Variants in KLHL1 observed in about 807,000 individuals in gnomAD.
KLHL1 encodes kelch-like protein 1.
A neutral mutation model predicts 77.7 loss-of-function variants in KLHL1; 47 were observed. The ratio of observed to expected loss-of-function variants is 0.60; its 90% CI spans 0.48 to 0.77. The LOEUF (loss-of-function observed/expected upper bound fraction) is 0.77, where lower values mean the gene tolerates loss of function less well. Ranked by LOEUF, KLHL1 falls within the 30% of genes least tolerant of loss-of-function variation. The pLI, the probability that KLHL1 is intolerant of heterozygous loss-of-function variation, is 0.00. For missense variants in KLHL1, 925 were observed against 910.8 expected, an observed-to-expected ratio of 1.02 and a Z score of -0.20; for synonymous variants, 360 against 325.2, an observed-to-expected ratio of 1.11 and a Z score of -1.15.
chr13:69,755,546 T>C (rs1874684703), intron 7 of KLHL1, among the ~76,000 whole-genome samples: 1 of 152,178 alleles, frequency 6.6e-6, no homozygotes, highest in African/African-American at 2.4e-5. Flanking sequence ...TTCTACTTTA[T>C]ATTTGTTATA....
intron 8 of KLHL1, among the ~76,000 whole-genome samples, chr13:69,738,774 GA>G (rs1223769400): frequency 6.6e-6 from 1 of 152,126 alleles, no homozygotes; most frequent in Non-Finnish European, 1.5e-5. Flanking sequence ...ACCTACATCT[GA>G]TAGGGGTACC....
chr13:69,729,219 C>T (rs1873434405), intron 8 of KLHL1, among the ~76,000 whole-genome samples: 1 of 152,082 alleles, frequency 6.6e-6, no homozygotes, highest in South Asian at 2.1e-4. Context: ...TCTGGCTGTG[C>T]TGGCATATAT....
chr13:69,827,158 A>C (rs1450671636), intron 6 of KLHL1, among the ~76,000 whole-genome samples: 1 of 151,590 alleles, frequency 6.6e-6, no homozygotes, highest in Non-Finnish European at 1.5e-5. Context: ...AAATAAGGTA[A>C]AATTATAATA....
chr13:70,074,765 T>C (rs1190391399), intron 1 of KLHL1, among the ~76,000 whole-genome samples: 1 of 151,046 alleles, frequency 6.6e-6, no homozygotes, highest in Non-Finnish European at 1.5e-5. Context: ...AATTATGCTG[T>C]TGATCATAGC....
At chr13:69,727,958 G>A (rs986649035) in intron 8 of KLHL1, among the ~76,000 whole-genome samples, 2 of 151,426 alleles carry the variant, frequency 1.3e-5, no homozygotes, top group Non-Finnish European at 2.9e-5. Context: ...TATATTCAAG[G>A]ACTTGATACA....
At chr13:69,918,639 T>C (rs1882525022) in intron 4 of KLHL1, among the ~76,000 whole-genome samples, 1 of 152,040 alleles carries the variant, frequency 6.6e-6, no homozygotes, top group Non-Finnish European at 1.5e-5. Context: ...ACAAACCTAA[T>C]ATAATTACAG....
intron 6 of KLHL1, among the ~76,000 whole-genome samples, chr13:69,818,217 A>ATTTTTTTTTTTTTTTTT (rs1878195724): frequency 2.4e-5 from 3 of 124,428 alleles, no homozygotes; most frequent in African/African-American, 1.2e-4. Flanking sequence ...ACTCATAGGC[A>ATTTTTTTTTTTTTTTTT]TCTTTTTTTT....
At chr13:69,795,033 T>C (rs1162912519) in intron 7 of KLHL1, among the ~76,000 whole-genome samples, 1 of 152,204 alleles carries the variant, frequency 6.6e-6, no homozygotes, top group African/African-American at 2.4e-5. Flanking sequence ...TTGAGTACGA[T>C]ACATAATGCC....
At chr13:69,845,996 T>C (rs1286282728) in intron 5 of KLHL1, among the ~76,000 whole-genome samples, 1 of 151,514 alleles carries the variant, frequency 6.6e-6, no homozygotes, top group Non-Finnish European at 1.5e-5. Flanking sequence ...AATGTCTCTT[T>C]GCAAGAAAAA....
At chr13:70,022,044 A>T (rs868212555) in intron 1 of KLHL1, among the ~76,000 whole-genome samples, 8 of 152,100 alleles carry the variant, frequency 5.3e-5, no homozygotes, top group African/African-American at 1.7e-4. Context: ...TTATAGATAC[A>T]GACATTGCCA....
At chr13:69,956,167 ATATT>A (rs1566443395) in intron 3 of KLHL1, among the ~76,000 whole-genome samples, 1 of 140,690 alleles carries the variant, frequency 7.1e-6, no homozygotes, top group Non-Finnish European at 1.5e-5. Context: ...TTTGATATAT[ATATT>A]TATTATATAT....
At chr13:69,772,475 C>T (rs1312446965) in intron 7 of KLHL1, among the ~76,000 whole-genome samples, 1 of 151,914 alleles carries the variant, frequency 6.6e-6, no homozygotes, top group African/African-American at 2.4e-5. Flanking sequence ...TACAGTCACA[C>T]CTCAAATCAC....
At chr13:70,024,368 G>C (rs1389878359) in intron 1 of KLHL1, among the ~76,000 whole-genome samples, 1 of 151,682 alleles carries the variant, frequency 6.6e-6, no homozygotes, top group East Asian at 1.9e-4. Context: ...AAGATAGAGA[G>C]TGAGAAAGGG....
chr13:69,971,539 T>G (rs1156526996), intron 2 of KLHL1, among the ~76,000 whole-genome samples: 1 of 152,040 alleles, frequency 6.6e-6, no homozygotes, highest in African/African-American at 2.4e-5. Context: ...ATTCTTTAGT[T>G]CTCTATTTTT....
chr13:69,918,389 A>T (rs1404805443), intron 4 of KLHL1, among the ~76,000 whole-genome samples: 1 of 151,966 alleles, frequency 6.6e-6, no homozygotes, highest in African/African-American at 2.4e-5. Flanking sequence ...TTTCTCCCAA[A>T]ATAGTACTCA....
At chr13:70,000,690 A>G (rs2137324926) in intron 1 of KLHL1, among the ~76,000 whole-genome samples, 1 of 151,984 alleles carries the variant, frequency 6.6e-6, no homozygotes, top group South Asian at 2.1e-4. Context: ...TAATTTAAAT[A>G]ATTACTGAAC....
chr13:69,856,101 T>A (rs1410578646), intron 5 of KLHL1, among the ~76,000 whole-genome samples: 1 of 151,618 alleles, frequency 6.6e-6, no homozygotes, highest in Admixed American at 6.6e-5. Context: ...TTCTGGACTA[T>A]CTTTTCAGGA....
chr13:69,734,249 G>T (rs1361099590), intron 8 of KLHL1, among the ~76,000 whole-genome samples: 1 of 152,126 alleles, frequency 6.6e-6, no homozygotes, highest in African/African-American at 2.4e-5. Context: ...CATGTGATGT[G>T]CCTGCTCCCC....
intron 7 of KLHL1, among the ~76,000 whole-genome samples, chr13:69,746,120 A>G (rs372611521): frequency 6.6e-6 from 1 of 151,632 alleles, no homozygotes; most frequent in Non-Finnish European, 1.5e-5. Flanking sequence ...TGTTTCATCA[A>G]TAAATAAAAA....
Sources: gnomAD v4.1 joint callset for allele counts (sites outside exome capture counted in the v4.1 genomes callset) on GRCh38, gnomAD v4.1.1 for gene constraint, MANE v1.5 for transcripts, NCBI Gene and HGNC (gene_info 2026-07-23, HGNC 2026-07-21) for gene names.